Variants in COL5A2 observed in about 807,000 individuals in gnomAD.
COL5A2 encodes collagen type V alpha 2 chain, also known as collagen alpha-2(V) chain.
In COL5A2, 23 loss-of-function variants were observed where a neutral mutation model predicts 208.2. The observed-to-expected ratio is 0.11, with a 90% confidence interval of 0.08 to 0.16. COL5A2 has a LOEUF of 0.16. Among genes scored for constraint, COL5A2 ranks in the 10% least tolerant of loss-of-function variants. COL5A2 has a pLI of 1.00. For synonymous variants in COL5A2, 625 were observed against 628.5 expected (o/e 0.99, Z 0.08); for missense variants, 1,590 against 1,956.4 (o/e 0.81, Z 3.53).
chr2:189,180,067 C>A (rs988049567), upstream of COL5A2, among the ~76,000 whole-genome samples: 1 of 152,080 alleles, frequency 6.6e-6, no homozygotes, highest in Non-Finnish European at 1.5e-5. Context: ...CCCTTCCCCC[C>A]AGACACACAC....
chr2:189,159,008 A>G (rs1688308271), intron 1 of COL5A2, among the ~76,000 whole-genome samples: 1 of 152,172 alleles, frequency 6.6e-6, no homozygotes, highest in Non-Finnish European at 1.5e-5. Context: ...TTTATACTCT[A>G]CGGATTGATT....
At chr2:189,090,122 A>G (rs998095312) in intron 7 of COL5A2, among the ~76,000 whole-genome samples, 11 of 152,192 alleles carry the variant, frequency 7.2e-5, no homozygotes, top group Non-Finnish European at 1.6e-4. Flanking sequence ...GCAAAGGAAA[A>G]GTTCTTAAAA....
At chr2:189,045,369 C>A in intron 46 of COL5A2, 137 bp from the exon 47 acceptor site, 1 of 617,222 alleles carries the variant, frequency 1.6e-6, no homozygotes. Context: ...TGTGTGCATA[C>A]TCTTATGATT....
At chr2:189,356,320 T>G in the COL5A2 span, among the ~76,000 whole-genome samples, 1 of 151,624 alleles carries the variant, frequency 6.6e-6, no homozygotes, top group African/African-American at 2.4e-5. Flanking sequence ...TGCTGGCCAG[T>G]CTTGCTAGGT....
At chr2:189,215,458 T>A (rs1156955923) in intron 1 of COL5A2, among the ~76,000 whole-genome samples, 1 of 152,168 alleles carries the variant, frequency 6.6e-6, no homozygotes, top group African/African-American at 2.4e-5. Flanking sequence ...AATAACTCAT[T>A]AATAATTTTT....
At chr2:189,311,914 C>T in the COL5A2 span, 6 of 843,552 alleles carry the variant, frequency 7.1e-6, no homozygotes, top group South Asian at 7.9e-5. Context: ...TAAAGAGCAG[C>T]TCTGCCTTGA....
chr2:189,210,074 A>G (rs1689192744), intron 1 of COL5A2, among the ~76,000 whole-genome samples: 1 of 152,240 alleles, frequency 6.6e-6, no homozygotes, highest in South Asian at 2.1e-4. Context: ...TACATAAAGA[A>G]TAGCAAACAG....
At chr2:189,114,534 A>T (rs138399805) in intron 1 of COL5A2, among the ~76,000 whole-genome samples, 22 of 152,084 alleles carry the variant, frequency 1.4e-4, no homozygotes, top group African/African-American at 5.3e-4. Flanking sequence ...TTCAAATGAC[A>T]TTCTGAGAAA....
chr2:189,113,742 T>C (rs1687330435), intron 1 of COL5A2, among the ~76,000 whole-genome samples: 1 of 149,104 alleles, frequency 6.7e-6, no homozygotes, highest in South Asian at 2.1e-4. Context: ...TATTATTGGA[T>C]ATATATTATA....
intron 51 of COL5A2, 102 bp from the exon 52 acceptor site, chr2:189,036,905 A>T: frequency 4.2e-6 from 4 of 949,406 alleles, no homozygotes; most frequent in Non-Finnish European, 6.5e-6. Flanking sequence ...ACACTCACTG[A>T]TTAAGGATTC....
At chr2:189,390,107 T>C in the COL5A2 span, among the ~76,000 whole-genome samples, 2 of 151,610 alleles carry the variant, frequency 1.3e-5, no homozygotes, top group African/African-American at 4.8e-5. Context: ...GCCCCAAATC[T>C]AGCAAGTCCA....
intron 29 of COL5A2, among the ~76,000 whole-genome samples, chr2:189,062,239 A>G (rs1163183175): frequency 1.3e-5 from 2 of 151,242 alleles, no homozygotes; most frequent in African/African-American, 2.4e-5. Flanking sequence ...GCTGGAGTGC[A>G]ACGGTGTAAT....
chr2:189,164,939 TCTCTTC>T (rs1177587210), intron 1 of COL5A2, among the ~76,000 whole-genome samples: 1 of 152,204 alleles, frequency 6.6e-6, no homozygotes, highest in African/African-American at 2.4e-5. Context: ...ACAGCTGCTT[TCTCTTC>T]ATTGACTGCT....
chr2:189,388,166 C>T, the COL5A2 span, among the ~76,000 whole-genome samples: 146 of 152,240 alleles, frequency 9.6e-4, 1 homozygote, highest in Admixed American at 7.5e-3. Flanking sequence ...GGCATAAGAA[C>T]ACAGCAATAA....
chr2:189,080,930 TC>T, intron 13 of COL5A2, 59 bp downstream of exon 13: 1 of 1,361,406 alleles, frequency 7.3e-7, no homozygotes, highest in South Asian at 1.2e-5. Flanking sequence ...AAGGTAAATC[TC>T]CCCAGAGCCT....
the COL5A2 span, among the ~76,000 whole-genome samples, chr2:189,297,113 T>C: frequency 9.2e-5 from 14 of 152,180 alleles, no homozygotes; most frequent in Admixed American, 5.2e-4. Flanking sequence ...GAAACAATTC[T>C]CCTCCAGTTT....
chr2:189,311,794 T>C, the COL5A2 span: 52 of 916,228 alleles, frequency 5.7e-5, no homozygotes, highest in African/African-American at 7.0e-4. Flanking sequence ...ACATTGGACC[T>C]GGATGTCTGA....
chr2:189,052,637 G>C, intron 40 of COL5A2, 112 bp downstream of exon 40: 1 of 1,042,844 alleles, frequency 9.6e-7, no homozygotes, highest in South Asian at 1.3e-5. Context: ...AGTTGATACA[G>C]GTAATAATTT....
the COL5A2 span, among the ~76,000 whole-genome samples, chr2:189,380,912 T>C: frequency 6.6e-6 from 1 of 151,904 alleles, no homozygotes; most frequent in Non-Finnish European, 1.5e-5. Flanking sequence ...GAGTACTTAC[T>C]GACAATGAAA....
Sources: gnomAD v4.1 joint callset for allele counts (sites outside exome capture counted in the v4.1 genomes callset) on GRCh38, gnomAD v4.1.1 for gene constraint, MANE v1.5 for transcripts, NCBI Gene and HGNC (gene_info 2026-07-23, HGNC 2026-07-21) for gene names.